ADGRE2: variants seen among roughly 807,000 people sequenced by gnomAD.
The protein encoded by ADGRE2 is adhesion G protein-coupled receptor E2, also known as CD97 antigen.
In ADGRE2, 83 loss-of-function variants were observed where a neutral mutation model predicts 100.8. That is an observed-to-expected ratio of 0.82 (90% CI 0.69 to 0.99). ADGRE2 has a LOEUF of 0.99. Among genes scored for constraint, ADGRE2 ranks in the 50% least tolerant of loss-of-function variants. ADGRE2 has a pLI of 0.00. For missense variants in ADGRE2, 814 were observed against 1,035.7 expected (o/e 0.79, Z 2.94); for synonymous variants, 355 against 413.0 (o/e 0.86, Z 1.70).
chr19:14,760,919 A>G (rs1255333424), intron 11 of ADGRE2, among the ~76,000 whole-genome samples: 1 of 152,158 alleles, frequency 6.6e-6, no homozygotes, highest in African/African-American at 2.4e-5. Context: ...CCCTTATCGT[A>G]TTCCAGACAT....
At chr19:14,745,039 G>A (rs967175109) in intron 18 of ADGRE2, among the ~76,000 whole-genome samples, 3 of 151,588 alleles carry the variant, frequency 2.0e-5, no homozygotes, top group East Asian at 1.9e-4. Flanking sequence ...ACAGGCACCC[G>A]CCACCACGCC....
In ADGRE2 at chr19:14,755,026, T is replaced by C; in HGVS notation, c.1518A>G (p.Arg506=). The change falls in exon 14 of 21, where the codon AGA becomes AGG. Residue 506 remains arginine (R), a synonymous_variant. Coordinates refer to ENST00000315576, the MANE Select transcript of ADGRE2 (RefSeq NM_013447.4). ...ATTGCSTIGT[R]DTSTICRCTH... ...TGCAACGGCAGATGGTGCTGGTGTCTCTGGTGCCTATTGTGCTGCAGCCTG... is the reference window on the plus strand; with the variant it reads ...TGCAACGGCAGATGGTGCTGGTGTCCCTGGTGCCTATTGTGCTGCAGCCTG... The C allele has an allele frequency of 1.2e-6, 2 of 1,614,150 alleles. No homozygotes were observed. Among genetic ancestry groups the C allele is most frequent in the Non-Finnish European group, 1.7e-6 (2 of 1,180,032 alleles).
chr19:14,735,237 C>A lies in ADGRE2; in HGVS notation c.*999G>T, dbSNP rs1179359327. The A allele has an allele frequency of 6.6e-6, 1 of 152,186 alleles. No individual in the cohort carries two copies. Among genetic ancestry groups the A allele is most frequent in the African/African-American group, 2.4e-5 (1 of 41,444 alleles). 9.4% of individuals were successfully genotyped at this position (152,186 alleles called of 1,614,324 possible). A position where few individuals can be genotyped will look rare whatever the true frequency, so the allele number is the denominator to read the frequency against. ...GATTTCTCCTTAACTCCTATATCAT[C>A]ACCATGCTTGGCTAATTTTTAATTT... is the stretch of plus-strand genomic sequence containing the variant. On this transcript the variant is annotated 3_prime_UTR_variant, in exon 21 of 21. Transcript: ENST00000315576.
downstream of ADGRE2, among the ~76,000 whole-genome samples, chr19:14,729,825 T>A (rs2042656451): frequency 6.6e-6 from 1 of 152,190 alleles, no homozygotes. Context: ...ATTTGCTAGA[T>A]CTGGTTATTC....
rs578201973 is a variant in ADGRE2 at position 14,732,569 on chromosome 19, G to T, written c.*3667C>A. ...CTGAACATCATGGTCTGGAAACTATGGGCAGTGAGTCAAATCTGACCCACC... is the reference window on the plus strand; with the variant it reads ...CTGAACATCATGGTCTGGAAACTATTGGCAGTGAGTCAAATCTGACCCACC... On this transcript the variant is annotated 3_prime_UTR_variant, in exon 21 of 21. Coordinates refer to ENST00000315576, the MANE Select transcript of ADGRE2 (RefSeq NM_013447.4). 1 of 152,280 alleles carries T rather than the reference G, an allele frequency of 6.6e-6. No homozygotes were observed. Among genetic ancestry groups the T allele is most frequent in the South Asian group, 2.1e-4 (1 of 4,826 alleles). The allele number at this position is 152,280 out of a possible 1,614,324, so 9.4% of individuals were successfully genotyped here. A position where few individuals can be genotyped will look rare whatever the true frequency, so the allele number is the denominator to read the frequency against.
chr19:14,736,343 C>A (rs368999758), intron 20 of ADGRE2, 99 bp from the exon 21 acceptor site: 1 of 711,194 alleles, frequency 1.4e-6, no homozygotes, highest in Non-Finnish European at 2.4e-6. Flanking sequence ...CTCACTGTAA[C>A]CCCCGCCTCC....
rs767079042 is a variant in ADGRE2, at chr19:14,772,460, G to A, written c.237C>T (p.Cys79=). ...NECATLSKVS[C]GKFSDCWNTE... is the part of the protein sequence containing the mutation. ...TGTTCCAGCAGTCCGAGAATTTTCCGCATGACACTTTCGACAGTGTTGCAC... is the reference window on the plus strand; with the variant it reads ...TGTTCCAGCAGTCCGAGAATTTTCCACATGACACTTTCGACAGTGTTGCAC... The change falls in exon 5 of 21, where the codon TGC becomes TGT. Residue 79 remains cysteine, a synonymous_variant. Coordinates refer to ENST00000315576, the MANE Select transcript of ADGRE2 (RefSeq NM_013447.4). 6.2e-6 allele frequency: 10 copies of A among 1,613,842 alleles called. No homozygotes were observed. Among genetic ancestry groups the A allele is most frequent in the South Asian group, 2.2e-5 (2 of 91,062 alleles).
intron 15 of ADGRE2, 82 bp downstream of exon 15, chr19:14,752,247 A>G: frequency 6.5e-7 from 1 of 1,542,666 alleles, no homozygotes; most frequent in Non-Finnish European, 8.9e-7. Flanking sequence ...TATTATATTA[A>G]GGAATCAAAT....
chr19:14,777,157 C>A (rs1442778104), intron 1 of ADGRE2: 22 of 953,052 alleles, frequency 2.3e-5, no homozygotes, highest in Non-Finnish European at 2.7e-5. Flanking sequence ...GGCAGCCGGG[C>A]GGGGCGGTCT....
chr19:14,764,775 T>A (rs2043889880), intron 10 of ADGRE2, among the ~76,000 whole-genome samples, 165 bp from the exon 11 acceptor site: 2 of 152,130 alleles, frequency 1.3e-5, no homozygotes, highest in African/African-American at 4.8e-5. Context: ...TTCCAGCACT[T>A]TGGGAGGCCG....
In ADGRE2 at chr19:14,776,870, A is replaced by G. The variant is rs536878928; in HGVS notation, c.-114T>C. The G allele has an allele frequency of 1.6e-3, 2,420 of 1,544,192 alleles. 13 individuals are homozygous for G. The Middle Eastern group carries it at 0.018, about 11-fold the overall frequency. On this transcript the variant is annotated 5_prime_UTR_variant, in exon 2 of 21. Transcript: ENST00000315576. Reference sequence around the variant, plus strand: ...GGCTGTCCCGAGGCCAGGACTTTATAAAGGAGGGGGGGCGGACAGCCGCTG... The same window carrying G: ...GGCTGTCCCGAGGCCAGGACTTTATGAAGGAGGGGGGGCGGACAGCCGCTG...
chr19:14,739,255 C>T (rs2042853085), intron 20 of ADGRE2, among the ~76,000 whole-genome samples: 1 of 152,110 alleles, frequency 6.6e-6, no homozygotes, highest in East Asian at 1.9e-4. Context: ...CAGGTGTGAG[C>T]CAGCGTGTCC....
chr19:14,762,256 T>TAA (rs761146918), intron 11 of ADGRE2, among the ~76,000 whole-genome samples: 2 of 130,534 alleles, frequency 1.5e-5, no homozygotes, highest in African/African-American at 2.8e-5. Flanking sequence ...GATGGATGGA[T>TAA]AAAAAAAAAA....
intron 5 of ADGRE2, among the ~76,000 whole-genome samples, chr19:14,770,041 T>A (rs1233856739): frequency 6.6e-6 from 1 of 152,150 alleles, no homozygotes; most frequent in Non-Finnish European, 1.5e-5. Flanking sequence ...TCCTCAATAA[T>A]TACAAACACC....
chr19:14,741,190 C>T (rs1426840082), intron 20 of ADGRE2, among the ~76,000 whole-genome samples: 18 of 149,272 alleles, frequency 1.2e-4, no homozygotes, highest in East Asian at 6.0e-4. Flanking sequence ...TTTACCTCCC[C>T]GGCTCAAGCA....
At chr19:14,766,405 A>C (rs1442275281) in intron 6 of ADGRE2, 24 bp from the exon 7 acceptor site, 7 of 1,602,590 alleles carry the variant, frequency 4.4e-6, no homozygotes, top group Non-Finnish European at 6.0e-6. Flanking sequence ...CAGAGGGTCA[A>C]ACCCTGTCCC....
intron 11 of ADGRE2, among the ~76,000 whole-genome samples, chr19:14,757,927 C>T (rs2043559018): frequency 6.6e-6 from 1 of 152,210 alleles, no homozygotes; most frequent in African/African-American, 2.4e-5. Context: ...CCTCAGCCTC[C>T]TGAGTAGCTA....
intron 20 of ADGRE2, chr19:14,741,930 G>A (rs2042944800): frequency 5.0e-6 from 2 of 398,270 alleles, no homozygotes; most frequent in Non-Finnish European, 8.9e-6. Context: ...ATTAATAAAT[G>A]TTGGTTATTA....
chr19:14,731,940 A>G (rs914098384), downstream of ADGRE2: 7 of 152,052 alleles, frequency 4.6e-5, no homozygotes, highest in African/African-American at 1.7e-4. Context: ...TCCTTCCCCA[A>G]CCTCGTCTGT....
Sources: allele counts gnomAD v4.1 joint callset (sites outside exome capture counted in the v4.1 genomes callset), GRCh38; gene constraint gnomAD v4.1.1; transcripts MANE v1.5; gene names NCBI Gene and HGNC (gene_info 2026-07-23, HGNC 2026-07-21).